Variants in GRID2 observed in about 807,000 individuals in gnomAD.
The protein encoded by GRID2 is glutamate receptor ionotropic, delta-2.
In GRID2, 33 loss-of-function variants were observed where a neutral mutation model predicts 114.8. The ratio of observed to expected loss-of-function variants is 0.29; its 90% CI spans 0.22 to 0.38. The LOEUF is 0.38. Ranked by LOEUF, GRID2 falls within the 10% of genes least tolerant of loss-of-function variation. The pLI is 1.00. For missense variants in GRID2, 1,184 were observed against 1,257.7 expected (o/e 0.94, Z 0.89); for synonymous variants, 505 against 449.9 (o/e 1.12, Z -1.55).
At chr4:93,258,102 T>C (rs1237993085) in intron 8 of GRID2, among the ~76,000 whole-genome samples, 2 of 151,040 alleles carry the variant, frequency 1.3e-5, no homozygotes, top group East Asian at 3.9e-4. Flanking sequence ...CTATAATCAA[T>C]TGCAGACCAT....
At chr4:92,651,848 C>T (rs1289134619) in intron 2 of GRID2, among the ~76,000 whole-genome samples, 1 of 152,120 alleles carries the variant, frequency 6.6e-6, no homozygotes, top group Admixed American at 6.5e-5. Flanking sequence ...TGCAGCTGTC[C>T]ACTTTCAGGT....
At chr4:92,871,057 C>T (rs1041755089) in intron 2 of GRID2, among the ~76,000 whole-genome samples, 2 of 152,014 alleles carry the variant, frequency 1.3e-5, no homozygotes, top group Non-Finnish European at 1.5e-5. Context: ...CACCCCATTT[C>T]TCTCCCTTTT....
chr4:93,074,007 C>T (rs907972377), intron 2 of GRID2, among the ~76,000 whole-genome samples: 1 of 152,184 alleles, frequency 6.6e-6, no homozygotes, highest in African/African-American at 2.4e-5. Context: ...ACAGAGGCAC[C>T]TCCACTTGGT....
chr4:93,557,859 G>A (rs1734470641), intron 13 of GRID2, among the ~76,000 whole-genome samples: 1 of 152,140 alleles, frequency 6.6e-6, no homozygotes, highest in Non-Finnish European at 1.5e-5. Context: ...CTCAGCAAAT[G>A]CAAAAGAATG....
intron 2 of GRID2, among the ~76,000 whole-genome samples, chr4:92,674,884 AT>A (rs1428556385): frequency 1.3e-5 from 2 of 151,886 alleles, no homozygotes; most frequent in Admixed American, 6.6e-5. Context: ...TGTTTTATTG[AT>A]TTTTTTCCTA....
chr4:93,491,404 C>A (rs1177205926), intron 12 of GRID2, among the ~76,000 whole-genome samples: 1 of 151,814 alleles, frequency 6.6e-6, no homozygotes, highest in African/African-American at 2.4e-5. Flanking sequence ...CTAAAAGTTA[C>A]CTAAGCCAGT....
chr4:93,619,439 T>C (rs1370931387), intron 13 of GRID2, among the ~76,000 whole-genome samples: 2 of 152,234 alleles, frequency 1.3e-5, no homozygotes, highest in Admixed American at 6.5e-5. Flanking sequence ...CATAACTCTT[T>C]GCGCCTGTGA....
At position 92,485,342 on chromosome 4, in the gene GRID2, ATATATAGT is replaced by A. The variant is rs1219838259; in HGVS notation, c.89-104788_89-104781del. Among the ~76,000 whole-genome samples the A allele has an allele frequency of 8.3e-3, 575 of 69,520 alleles. 4 individuals carry two copies. The highest frequency in any genetic ancestry group is 0.025 in the South Asian group (60 of 2,366). The allele number at this position is 69,520 out of a possible 152,430, so 45.6% of individuals were successfully genotyped here. On this transcript the variant is annotated intron_variant, in intron 1 of 15. Coordinates refer to ENST00000282020, the MANE Select transcript of GRID2 (RefSeq NM_001510.4). ...TATATATATATATATATATATATAT[ATATATAGT>A]GTGTGTGTGTGTGTGTGTGAGTGTA...
chr4:92,663,511 T>C (rs76026393), intron 2 of GRID2, among the ~76,000 whole-genome samples: 2 of 151,234 alleles, frequency 1.3e-5, no homozygotes, highest in Non-Finnish European at 3.0e-5. Flanking sequence ...TAAAATTAGT[T>C]GTCTAGTATA....
chr4:92,344,321 A>G (rs138437766), intron 1 of GRID2, among the ~76,000 whole-genome samples: 24 of 152,298 alleles, frequency 1.6e-4, no homozygotes, highest in African/African-American at 5.3e-4. Context: ...TTAGAGTATA[A>G]AATTAATTGA....
chr4:92,470,632 A>T (rs1721987446), intron 1 of GRID2, among the ~76,000 whole-genome samples: 1 of 151,992 alleles, frequency 6.6e-6, no homozygotes, highest in South Asian at 2.1e-4. Flanking sequence ...TAAATAAAGT[A>T]TTGCCTCAAA....
intron 1 of GRID2, among the ~76,000 whole-genome samples, chr4:92,404,799 A>T (rs1220680627): frequency 6.6e-6 from 1 of 152,196 alleles, no homozygotes; most frequent in Admixed American, 6.5e-5. Flanking sequence ...CAAGCACCAC[A>T]TGTTCTCATT....
At chr4:92,850,573 TG>T (rs1743700727) in intron 2 of GRID2, among the ~76,000 whole-genome samples, 1 of 151,946 alleles carries the variant, frequency 6.6e-6, no homozygotes, top group South Asian at 2.1e-4. Flanking sequence ...TTGTGTACTA[TG>T]GTATCATGTT....
chr4:93,421,927 C>T (rs1768329459), intron 9 of GRID2, among the ~76,000 whole-genome samples: 1 of 151,526 alleles, frequency 6.6e-6, no homozygotes. Flanking sequence ...GGATGGACTA[C>T]ATACACCATG....
chr4:93,590,317 T>A (rs1368329648), intron 13 of GRID2, among the ~76,000 whole-genome samples: 1 of 150,570 alleles, frequency 6.6e-6, no homozygotes, highest in African/African-American at 2.4e-5. Flanking sequence ...AGGGAATCCT[T>A]TCCCCATTTC....
intron 2 of GRID2, among the ~76,000 whole-genome samples, chr4:92,645,314 A>G (rs778856344): frequency 6.6e-6 from 1 of 151,634 alleles, no homozygotes; most frequent in Non-Finnish European, 1.5e-5. Flanking sequence ...TTTCAGTCTG[A>G]TTGCATCACT....
At chr4:92,965,654 C>G (rs1314421155) in intron 2 of GRID2, among the ~76,000 whole-genome samples, 2 of 151,648 alleles carry the variant, frequency 1.3e-5, no homozygotes, top group Non-Finnish European at 2.9e-5. Context: ...CAGCTTTTTA[C>G]TTATTGTTGC....
In GRID2 at chr4:93,547,974, C is replaced by A. The variant is rs6848769; in HGVS notation, c.2193+32563C>A. ...GCCAGATCACCTGAGGTCAGGAGTT[C>A]CAGACCAGCCTGACCAAGATGGCGA... is the stretch of plus-strand genomic sequence containing the variant. On this transcript the variant is annotated intron_variant, in intron 13 of 15. Transcript: ENST00000282020. 1.2e-3 allele frequency among the ~76,000 whole-genome samples: 179 copies of A among 152,184 alleles called. 1 individual carries two copies. The highest frequency in any genetic ancestry group is 1.5e-3 in the Non-Finnish European group (102 of 67,992).
At chr4:93,139,152 G>A (rs1735533412) in intron 4 of GRID2, among the ~76,000 whole-genome samples, 1 of 152,188 alleles carries the variant, frequency 6.6e-6, no homozygotes, top group Admixed American at 6.5e-5. Context: ...GTGTAAGTAA[G>A]ACATGAATGT....
Sources: gnomAD v4.1 joint callset for allele counts (sites outside exome capture counted in the v4.1 genomes callset) on GRCh38, gnomAD v4.1.1 for gene constraint, MANE v1.5 for transcripts, NCBI Gene and HGNC (gene_info 2026-07-23, HGNC 2026-07-21) for gene names.